COMMD7: variants seen among roughly 807,000 people sequenced by gnomAD.
The protein encoded by COMMD7 is COMM domain-containing protein 7.
COMMD7 carries 28 observed loss-of-function variants against 34.8 expected under a neutral mutation model. The ratio of observed to expected loss-of-function variants is 0.80; its 90% CI spans 0.60 to 1.10. The LOEUF (loss-of-function observed/expected upper bound fraction) is 1.10, where lower values mean the gene tolerates loss of function less well. COMMD7 is among the 50% of genes least tolerant of loss of function. COMMD7 has a pLI of 0.00. For missense variants in COMMD7, 211 were observed against 241.6 expected, an observed-to-expected ratio of 0.87 and a Z score of 0.84; for synonymous variants, 80 against 86.4, an observed-to-expected ratio of 0.93 and a Z score of 0.41.
At position 32,712,269 on chromosome 20, in the gene COMMD7, CAAAAAAAA is replaced by C. The variant is rs56096713; in HGVS notation, c.242-5517_242-5510del. ...TGGGCCACAGAGCAAGACTCCGTCT[CAAAAAAAA>C]AAAAAAAAAAAAAAAAAGAGAGAGA... On this transcript the variant is annotated intron_variant, in intron 3 of 8. Coordinates refer to ENST00000278980, the MANE Select transcript of COMMD7 (RefSeq NM_053041.3). Among the ~76,000 whole-genome samples, 277 of 71,818 alleles carry C rather than the reference CAAAAAAAA, an allele frequency of 3.9e-3. 5 individuals carry two copies. Among genetic ancestry groups the C allele is most frequent in the African/African-American group, 4.9e-3 (80 of 16,274 alleles). 47.1% of individuals were successfully genotyped at this position (71,818 alleles called of 152,430 possible).
At chr20:32,712,582 T>A (rs1359076980) in intron 3 of COMMD7, among the ~76,000 whole-genome samples, 2 of 144,944 alleles carry the variant, frequency 1.4e-5, no homozygotes, top group Non-Finnish European at 3.0e-5. Flanking sequence ...GTAACAAATC[T>A]GCACACCCTG....
intron 1 of COMMD7, among the ~76,000 whole-genome samples, chr20:32,736,442 C>T (rs770317641): frequency 5.4e-5 from 8 of 148,458 alleles, no homozygotes; most frequent in Admixed American, 1.3e-4. Flanking sequence ...AGGCTGAGGC[C>T]GGCGGATCAC....
intron 3 of COMMD7, 68 bp downstream of exon 3, chr20:32,727,825 G>T: frequency 2.3e-6 from 3 of 1,284,642 alleles, no homozygotes; most frequent in South Asian, 2.4e-5. Context: ...ATGCTTCAAT[G>T]ACTCCATGGA....
chr20:32,713,911 C>T (rs1349387936), intron 3 of COMMD7, among the ~76,000 whole-genome samples: 2 of 152,100 alleles, frequency 1.3e-5, no homozygotes, highest in Admixed American at 1.3e-4. Flanking sequence ...GTCAGGAGTT[C>T]AAGACCAGCC....
chr20:32,715,038 A>G (rs1162168931), intron 3 of COMMD7, among the ~76,000 whole-genome samples: 1 of 151,102 alleles, frequency 6.6e-6, no homozygotes, highest in Non-Finnish European at 1.5e-5. Context: ...ATAAATAAAT[A>G]AATAAATAAA....
At chr20:32,718,673 T>C (rs1984963269) in intron 3 of COMMD7, among the ~76,000 whole-genome samples, 1 of 151,950 alleles carries the variant, frequency 6.6e-6, no homozygotes, top group South Asian at 2.1e-4. Flanking sequence ...CACTCCAGCC[T>C]GGGTGACAGA....
At chr20:32,717,321 ATTT>A (rs59777332) in intron 3 of COMMD7, among the ~76,000 whole-genome samples, 2 of 141,372 alleles carry the variant, frequency 1.4e-5, no homozygotes, top group Non-Finnish European at 3.0e-5. Flanking sequence ...TGCCCAGTTA[ATTT>A]TTTTTTTTTT....
intron 3 of COMMD7, among the ~76,000 whole-genome samples, chr20:32,715,429 G>A (rs1440902206): frequency 6.7e-6 from 1 of 148,968 alleles, no homozygotes; most frequent in East Asian, 2.0e-4. Context: ...GATACAGTGA[G>A]CAGAGACTGT....
At chr20:32,705,117 T>C (rs1202765166) in intron 5 of COMMD7, among the ~76,000 whole-genome samples, 7 of 151,844 alleles carry the variant, frequency 4.6e-5, no homozygotes, top group Non-Finnish European at 1.0e-4. Flanking sequence ...TAATGTTGTA[T>C]TTTTCATTCC....
chr20:32,736,649 G>A (rs541129425), intron 1 of COMMD7, among the ~76,000 whole-genome samples: 18 of 151,984 alleles, frequency 1.2e-4, no homozygotes, highest in Non-Finnish European at 2.5e-4. Context: ...CAGCCTGGGT[G>A]ATACAGCGAG....
At chr20:32,716,631 A>G (rs1250038024) in intron 3 of COMMD7, among the ~76,000 whole-genome samples, 3 of 152,110 alleles carry the variant, frequency 2.0e-5, no homozygotes, top group Admixed American at 2.0e-4. Context: ...AAAAAAAACA[A>G]AACATAATCC....
At chr20:32,726,085 A>G (rs1268580501) in intron 3 of COMMD7, among the ~76,000 whole-genome samples, 1 of 142,426 alleles carries the variant, frequency 7.0e-6, no homozygotes, top group African/African-American at 2.6e-5. Flanking sequence ...AAAAAAAAAA[A>G]GTATTCCTAT....
chr20:32,736,793 C>A (rs936931683), intron 1 of COMMD7, among the ~76,000 whole-genome samples: 1 of 152,168 alleles, frequency 6.6e-6, no homozygotes, highest in African/African-American at 2.4e-5. Context: ...GTAATCCCAG[C>A]AATTTGGGAA....
At chr20:32,741,664 G>A (rs1265143966) in intron 1 of COMMD7, among the ~76,000 whole-genome samples, 1 of 152,062 alleles carries the variant, frequency 6.6e-6, no homozygotes, top group Non-Finnish European at 1.5e-5. Flanking sequence ...CCTAGGGTAG[G>A]TGTGAGCCAC....
chr20:32,743,368 C>G lies in COMMD7; in HGVS notation c.24G>C (p.Glu8Asp). 6.6e-7 allele frequency: 1 copy of G among 1,508,664 alleles called. No individual in the cohort carries two copies. The highest frequency in any genetic ancestry group is 8.8e-7 in the Non-Finnish European group (1 of 1,135,270). 93.5% of individuals were successfully genotyped at this position (1,508,664 alleles called of 1,614,324 possible). Residue 8 changes from glutamate (E) to aspartate (D), a missense_variant, in exon 1 of 9, where the codon GAG becomes GAC. Glu to Asp is a conservative substitution (Grantham distance 45). Coordinates refer to ENST00000278980, the MANE Select transcript of COMMD7 (RefSeq NM_053041.3). ...CGCCCACGGCCTCCGGCACCGGGTC[C>G]TCAGTGCAGTGCAGGCGGCCCATGG... MGRLHCT[E>D]DPVPEAVGGD...
In COMMD7 at chr20:32,703,460, T is replaced by C; in HGVS notation, c.527-2A>G. 6.2e-7 allele frequency: 1 copy of C among 1,611,750 alleles called. No individual in the cohort carries two copies. Among genetic ancestry groups the C allele is most frequent in the Non-Finnish European group, 8.5e-7 (1 of 1,179,342 alleles). Reference sequence around the variant, plus strand: ...TGTAGAACTGAGGCAAGGTTAATTCTGGGGAGAGAAAATTCAGCTTCAGAT... The same window carrying C: ...TGTAGAACTGAGGCAAGGTTAATTCCGGGGAGAGAAAATTCAGCTTCAGAT... On this transcript the variant is annotated splice_acceptor_variant, in intron 8 of 8. Transcript: ENST00000278980. LOFTEE classifies it high-confidence loss of function.
chr20:32,719,857 G>A (rs566080815), intron 3 of COMMD7, among the ~76,000 whole-genome samples: 2 of 152,152 alleles, frequency 1.3e-5, no homozygotes, highest in African/African-American at 4.8e-5. Flanking sequence ...CTACTTGGGA[G>A]GTTAAGACAG....
chr20:32,730,270 A>C (rs937770553), intron 1 of COMMD7, among the ~76,000 whole-genome samples: 1 of 151,640 alleles, frequency 6.6e-6, no homozygotes, highest in African/African-American at 2.4e-5. Context: ...AACAGTGTGT[A>C]TGGGCTGGAC....
chr20:32,733,437 G>A (rs1024053376), intron 1 of COMMD7, among the ~76,000 whole-genome samples: 7 of 151,836 alleles, frequency 4.6e-5, no homozygotes, highest in African/African-American at 9.7e-5. Flanking sequence ...ATTCAAAAAT[G>A]GCCTGGAGCG....
Sources: gnomAD v4.1 joint callset for allele counts (sites outside exome capture counted in the v4.1 genomes callset) on GRCh38, gnomAD v4.1.1 for gene constraint, MANE v1.5 for transcripts, NCBI Gene and HGNC (gene_info 2026-07-23, HGNC 2026-07-21) for gene names.